Variants in LILRB1 observed in about 807,000 individuals in gnomAD.
The protein encoded by LILRB1 is leukocyte immunoglobulin like receptor B1, also known as leukocyte immunoglobulin-like receptor subfamily B member 1.
Under a neutral mutation model 74.6 loss-of-function variants are expected in LILRB1, and 59 were observed. That is an observed-to-expected ratio of 0.79 (90% CI 0.64 to 0.98). The LOEUF (loss-of-function observed/expected upper bound fraction) is 0.98. Ranked by LOEUF, LILRB1 falls within the 50% of genes least tolerant of loss-of-function variation. The pLI, the probability that LILRB1 is intolerant of heterozygous loss-of-function variation, is 0.00. For synonymous variants in LILRB1, 328 were observed against 333.9 expected, an observed-to-expected ratio of 0.98 and a Z score of 0.19; for missense variants, 804 against 822.6, an observed-to-expected ratio of 0.98 and a Z score of 0.28.
chr19:54,628,823 G>T (rs1310604903), upstream of LILRB1, among the ~76,000 whole-genome samples: 1 of 152,188 alleles, frequency 6.6e-6, no homozygotes, highest in Admixed American at 6.5e-5. Flanking sequence ...GAAAGGCAGG[G>T]ACATTAGAGT....
At position 54,631,351 on chromosome 19, in the gene LILRB1, G is replaced by T. The variant is rs571169021; in HGVS notation, c.70+45G>T. 1.4e-5 allele frequency: 22 copies of T among 1,613,532 alleles called. No individual in the cohort carries two copies. The East Asian group carries it at 4.2e-4, about 31-fold the overall frequency. On this transcript the variant is annotated intron_variant, in intron 3 of 14. Transcript: ENST00000324602. ...TTCCAGGTCCCTCCTCCTCACTGGG[G>T]ACAAGGGGCCACCCCCGTGCCGCTG... is the stretch of plus-strand genomic sequence containing the variant.
At chr19:54,634,173 C>T (rs2064177920) in intron 9 of LILRB1, 152 bp downstream of exon 9, 3 of 1,508,978 alleles carry the variant, frequency 2.0e-6, no homozygotes, top group Non-Finnish European at 2.7e-6. Flanking sequence ...GGTGAGAGGC[C>T]TGCGGGTGGG....
At chr19:54,617,985 C>T (rs1425239222) in intron 1 of LILRB1, among the ~76,000 whole-genome samples, 1 of 151,154 alleles carries the variant, frequency 6.6e-6, no homozygotes, top group Non-Finnish European at 1.5e-5. Context: ...CTCGTAATCC[C>T]AGCTACTTGG....
chr19:54,620,253 G>A (rs1198350671), intron 1 of LILRB1, among the ~76,000 whole-genome samples: 1 of 152,060 alleles, frequency 6.6e-6, no homozygotes, highest in African/African-American at 2.4e-5. Flanking sequence ...AAACCAGAGG[G>A]TATAATGCAA....
chr19:54,633,433 G>A (rs532560285), intron 7 of LILRB1, 115 bp downstream of exon 7: 612 of 1,410,718 alleles, frequency 4.3e-4, no homozygotes, highest in Middle Eastern at 6.8e-4. Flanking sequence ...TCAGCCAGTG[G>A]GAGACTCACC....
Position 54,632,759 on chromosome 19 carries a change from A to C in LILRB1, c.957A>C (p.Ala319=), listed in dbSNP as rs2064003662. The change falls in exon 6 of 15, where the codon GCA becomes GCC. Residue 319 remains alanine, a splice_region_variant and synonymous_variant. Transcript: ENST00000324602. ...APSDPLDILI[A]GQFYDRVSLS... ...GCGACCCCCTGGACATCCTGATCGC[A>C]GGTGAGGAGCCCAGCGGGTTCAGTC... 1 of 1,611,930 alleles carries C rather than the reference A, an allele frequency of 6.2e-7. No individual in the cohort carries two copies. The highest frequency in any genetic ancestry group is 1.1e-5 in the South Asian group (1 of 90,984).
chr19:54,636,350 G>C lies in LILRB1; in HGVS notation c.1654-144G>C, dbSNP rs561027208. 13 of 1,458,046 alleles carry C rather than the reference G, an allele frequency of 8.9e-6. No individual in the cohort carries two copies. The East Asian group carries it at 3.2e-4, about 35-fold the overall frequency. 90.3% of individuals were successfully genotyped at this position (1,458,046 alleles called of 1,614,324 possible). A position where few individuals can be genotyped will look rare whatever the true frequency, so the allele number is the denominator to read the frequency against. On this transcript the variant is annotated intron_variant, in intron 13 of 14. Coordinates refer to ENST00000324602, the MANE Select transcript of LILRB1 (RefSeq NM_001081637.3). ...GAGGCCAGAACCACAGCGAGGGAGC[G>C]GCCAGACCCTCCACGGCCTTAGGGC...
In LILRB1 at chr19:54,620,126, G is replaced by A. The variant is rs182476176; in HGVS notation, c.-166+2777G>A. 7.6e-3 allele frequency among the ~76,000 whole-genome samples: 1,152 copies of A among 151,646 alleles called. 18 individuals carry two copies. The highest frequency in any genetic ancestry group is 0.026 in the African/African-American group (1,074 of 41,336). On this transcript the variant is annotated intron_variant, in intron 1 of 15. Transcript: ENST00000396331. Reference sequence around the variant, plus strand: ...TGCTTTAAAATGAAGAAAAAATTACGGAGATAAAACTAAATAAAAAGAACA... The same window carrying A: ...TGCTTTAAAATGAAGAAAAAATTACAGAGATAAAACTAAATAAAAAGAACA...
At chr19:54,617,553 C>CTG (rs55635122) in intron 1 of LILRB1, among the ~76,000 whole-genome samples, 9,727 of 143,058 alleles carry the variant, frequency 0.068, 326 homozygotes, top group Middle Eastern at 0.12. Context: ...TACAGGATGT[C>CTG]TGTGTGTGTG....
intron 13 of LILRB1, 197 bp downstream of exon 13, chr19:54,635,806 C>T (rs1327299457): frequency 1.4e-6 from 1 of 735,656 alleles, no homozygotes; most frequent in Admixed American, 2.0e-5. Flanking sequence ...CTCCCGGGTC[C>T]CCTTCCTGCT....
At position 54,631,103 on chromosome 19, in the gene LILRB1, T is replaced by C; in HGVS notation, c.30T>C (p.Cys10=). The C allele has an allele frequency of 2.5e-6, 4 of 1,614,032 alleles. No homozygotes were observed. Residue 10 remains cysteine, a synonymous_variant, in exon 2 of 15, where the codon TGT becomes TGC. Transcript: ENST00000324602. Reference sequence around the variant, plus strand: ...CCCCCATCCTCACGGTCCTGATCTGTCTCGGTGAGATTTGAAGAAGGAGGG... The same window carrying C: ...CCCCCATCCTCACGGTCCTGATCTGCCTCGGTGAGATTTGAAGAAGGAGGG... MTPILTVLI[C]LGLSLGPRTH... is the part of the protein sequence containing the mutation.
At chr19:54,629,578 G>A (rs758041877), upstream of LILRB1, among the ~76,000 whole-genome samples, 17 of 152,316 alleles carry the variant, frequency 1.1e-4, no homozygotes, top group South Asian at 4.1e-4. Flanking sequence ...GTCACTGGAC[G>A]GTTTGGTGCA....
intron 7 of LILRB1, 110 bp downstream of exon 7, chr19:54,633,428 C>T (rs2064096491): frequency 3.5e-6 from 5 of 1,421,004 alleles, no homozygotes; most frequent in Non-Finnish European, 4.8e-6. Context: ...GGGGCTCAGC[C>T]AGTGGGAGAC....
At chr19:54,631,883 A>G in intron 4 of LILRB1, 52 bp from the exon 5 acceptor site, 1 of 1,607,186 alleles carries the variant, frequency 6.2e-7, no homozygotes, top group Non-Finnish European at 8.5e-7. Flanking sequence ...AGCCCTGGGG[A>G]TGACGCGGGT....
chr19:54,625,908 G>A (rs538877024), upstream of LILRB1, among the ~76,000 whole-genome samples: 64 of 138,076 alleles, frequency 4.6e-4, no homozygotes, highest in African/African-American at 1.7e-3. Flanking sequence ...CCCCTTCCCC[G>A]TGTTAGAGAA....
Position 54,633,188 on chromosome 19 carries a change from A to C in LILRB1, c.1131A>C (p.Lys377Asn). The C allele has an allele frequency of 2.1e-6, 3 of 1,437,446 alleles. No individual in the cohort carries two copies. The East Asian group carries it at 7.2e-5, about 34-fold the overall frequency. The allele number at this position is 1,437,446 out of a possible 1,614,324, so 89.0% of individuals were successfully genotyped here. Residue 377 changes from lysine (K) to asparagine (N), a missense_variant, in exon 7 of 15, where the codon AAA (lysine) becomes AAC (asparagine). Physicochemically the swap from Lys to Asn is moderately conservative, Grantham distance 94. Coordinates refer to ENST00000324602, the MANE Select transcript of LILRB1 (RefSeq NM_001081637.3). ...TAAGATCAACGTACCAATCTCAAAAATACCAGGCTGAATTCCCCATGGGTC... is the reference window on the plus strand; with the variant it reads ...TAAGATCAACGTACCAATCTCAAAACTACCAGGCTGAATTCCCCATGGGTC... ...WRLRSTYQSQ[K>N]YQAEFPMGPV... is the part of the protein sequence containing the mutation.
intron 1 of LILRB1, among the ~76,000 whole-genome samples, chr19:54,625,108 A>G (rs111457868): frequency 0.043 from 5,767 of 135,272 alleles, 238 homozygotes; most frequent in Non-Finnish European, 0.062. Context: ...GGACAGAGGC[A>G]GAGGTGGCAG....
rs559275646 is a variant in LILRB1, at chr19:54,624,679, G to A, written c.-165-5838G>A. 4.6e-5 allele frequency among the ~76,000 whole-genome samples: 7 copies of A among 152,258 alleles called. No homozygotes were observed. In the East Asian group the frequency reaches 1.2e-3, roughly 25 times the overall value. ...CCGGATCACAGGCCCCTAGGTGGCC[G>A]GCTGGACAGCGTGTGTGAGTCCTGA... On this transcript the variant is annotated intron_variant, in intron 1 of 15. Coordinates refer to the LILRB1 transcript ENST00000396331.
At chr19:54,630,420 T>G (rs1664383652), upstream of LILRB1, 1 of 298,692 alleles carries the variant, frequency 3.3e-6, no homozygotes, top group African/African-American at 2.3e-5. Context: ...GGGGACTATT[T>G]GGTTGAAAGA....
Sources: allele counts gnomAD v4.1 joint callset (sites outside exome capture counted in the v4.1 genomes callset), GRCh38; gene constraint gnomAD v4.1.1; transcripts MANE v1.5; gene names NCBI Gene and HGNC (gene_info 2026-07-23, HGNC 2026-07-21).